MDGA2: variants seen among roughly 807,000 people sequenced by gnomAD.
MDGA2 encodes MAM domain-containing glycosylphosphatidylinositol anchor protein 2.
MDGA2 carries 40 observed loss-of-function variants against 117.8 expected under a neutral mutation model. The ratio of observed to expected loss-of-function variants is 0.34; its 90% confidence interval spans 0.26 to 0.44. MDGA2 has a LOEUF of 0.44. MDGA2 is among the 20% of genes least tolerant of loss of function. The pLI, the probability that MDGA2 is intolerant of heterozygous loss-of-function variation, is 1.00. For missense variants in MDGA2, 1,123 were observed against 1,250.6 expected (o/e 0.90, Z 1.54); for synonymous variants, 452 against 439.0 (o/e 1.03, Z -0.37).
chr14:47,020,613 C>T (rs1888253982), intron 8 of MDGA2, among the ~76,000 whole-genome samples: 1 of 152,058 alleles, frequency 6.6e-6, no homozygotes, highest in African/African-American at 2.4e-5. Context: ...CTGTCTGAAG[C>T]TAAGAATATT....
At chr14:46,844,395 C>A (rs909241199) in intron 16 of MDGA2, among the ~76,000 whole-genome samples, 7 of 152,042 alleles carry the variant, frequency 4.6e-5, no homozygotes, top group Non-Finnish European at 8.8e-5. Flanking sequence ...GCCTGGCCAA[C>A]ATGGTGAAAC....
At chr14:46,983,883 T>C (rs1265874620) in intron 8 of MDGA2, among the ~76,000 whole-genome samples, 2 of 151,932 alleles carry the variant, frequency 1.3e-5, no homozygotes, top group African/African-American at 2.4e-5. Context: ...TAAAATTAGT[T>C]TGAATATTTA....
At chr14:47,095,592 TA>T (rs1879916593) in intron 6 of MDGA2, among the ~76,000 whole-genome samples, 2 of 151,970 alleles carry the variant, frequency 1.3e-5, no homozygotes, top group Non-Finnish European at 2.9e-5. Flanking sequence ...CAGTATGTTT[TA>T]TTTTGTTTTG....
chr14:47,227,290 C>T (rs1453434241), intron 2 of MDGA2, among the ~76,000 whole-genome samples: 4 of 152,016 alleles, frequency 2.6e-5, no homozygotes, highest in East Asian at 1.9e-4. Context: ...GACTCTTAGC[C>T]GATGAATGAT....
At chr14:47,374,258 A>T (rs1313435409) in intron 1 of MDGA2, among the ~76,000 whole-genome samples, 1 of 152,120 alleles carries the variant, frequency 6.6e-6, no homozygotes, top group Non-Finnish European at 1.5e-5. Context: ...TCTAAATAAG[A>T]GTGAAAGAAT....
intron 1 of MDGA2, among the ~76,000 whole-genome samples, chr14:47,406,871 A>G (rs1892270916): frequency 6.6e-6 from 1 of 152,054 alleles, no homozygotes; most frequent in Admixed American, 6.6e-5. Flanking sequence ...AGGGACTGCC[A>G]CTCACTGTTT....
chr14:47,021,492 T>C (rs778256061), intron 8 of MDGA2, among the ~76,000 whole-genome samples: 11 of 152,210 alleles, frequency 7.2e-5, no homozygotes, highest in Non-Finnish European at 1.2e-4. Context: ...CAAGTATATA[T>C]AATTATGTAT....
At chr14:47,630,273 C>T (rs895499307) in intron 1 of MDGA2, among the ~76,000 whole-genome samples, 24 of 152,102 alleles carry the variant, frequency 1.6e-4, no homozygotes, top group African/African-American at 5.8e-4. Context: ...TTATAAGTAT[C>T]GGTTACATGG....
chr14:47,131,450 G>A (rs1447002073), intron 5 of MDGA2, among the ~76,000 whole-genome samples: 3 of 151,768 alleles, frequency 2.0e-5, no homozygotes, highest in East Asian at 3.9e-4. Flanking sequence ...ATATATGCTC[G>A]TTAGTGACAT....
chr14:47,024,023 C>A (rs1888384305), intron 8 of MDGA2, among the ~76,000 whole-genome samples: 1 of 152,086 alleles, frequency 6.6e-6, no homozygotes, highest in Non-Finnish European at 1.5e-5. Flanking sequence ...AAGAAAAATG[C>A]ATTAGCAGGA....
At chr14:47,578,198 C>T (rs1019236207) in intron 1 of MDGA2, among the ~76,000 whole-genome samples, 6 of 151,834 alleles carry the variant, frequency 4.0e-5, no homozygotes, top group African/African-American at 1.2e-4. Context: ...TGTTCTCACT[C>T]GTAAGTGAGA....
chr14:47,080,948 T>C (rs542944404), intron 6 of MDGA2, among the ~76,000 whole-genome samples: 30 of 152,288 alleles, frequency 2.0e-4, no homozygotes, highest in African/African-American at 6.7e-4. Flanking sequence ...GTCAACTTCT[T>C]CAAATCATCC....
chr14:47,464,128 C>T (rs1893549349), intron 1 of MDGA2, among the ~76,000 whole-genome samples: 1 of 151,368 alleles, frequency 6.6e-6, no homozygotes, highest in Non-Finnish European at 1.5e-5. Flanking sequence ...CACACACACA[C>T]ACACACACAC....
intron 2 of MDGA2, among the ~76,000 whole-genome samples, chr14:47,267,120 T>C (rs1887991493): frequency 6.6e-6 from 1 of 152,164 alleles, no homozygotes; most frequent in Non-Finnish European, 1.5e-5. Flanking sequence ...ACTGTCCTTG[T>C]TAAGAATCTA....
At chr14:47,311,352 T>C (rs1332946841) in intron 1 of MDGA2, among the ~76,000 whole-genome samples, 1 of 152,120 alleles carries the variant, frequency 6.6e-6, no homozygotes, top group East Asian at 1.9e-4. Context: ...AATGAAAACT[T>C]CAATTTGCTT....
chr14:47,236,309 A>C (rs1371894050), intron 2 of MDGA2, among the ~76,000 whole-genome samples: 5 of 151,554 alleles, frequency 3.3e-5, no homozygotes, highest in East Asian at 1.9e-4. Flanking sequence ...AAAAAAAAAA[A>C]AAAACAACAC....
intron 1 of MDGA2, among the ~76,000 whole-genome samples, chr14:47,557,276 T>G (rs1895702575): frequency 6.6e-6 from 1 of 152,144 alleles, no homozygotes; most frequent in African/African-American, 2.4e-5. Flanking sequence ...GAAGTAAAAT[T>G]TACAGAACTT....
intron 9 of MDGA2, among the ~76,000 whole-genome samples, chr14:46,930,259 A>G (rs1468429098): frequency 6.6e-6 from 1 of 152,134 alleles, no homozygotes; most frequent in Non-Finnish European, 1.5e-5. Context: ...CTTAGTCCCA[A>G]TTGCACTTTG....
chr14:47,507,983 C>A (rs1894551674), intron 1 of MDGA2, among the ~76,000 whole-genome samples: 1 of 152,138 alleles, frequency 6.6e-6, no homozygotes, highest in Admixed American at 6.5e-5. Flanking sequence ...ACAAGTCTTG[C>A]CTCTATCTAA....
Sources: allele counts gnomAD v4.1 joint callset (sites outside exome capture counted in the v4.1 genomes callset), GRCh38; gene constraint gnomAD v4.1.1; transcripts MANE v1.5; gene names NCBI Gene and HGNC (gene_info 2026-07-23, HGNC 2026-07-21).